The following COMMD10 variants were observed in gnomAD, a reference collection of about 807,000 sequenced individuals.
The protein encoded by COMMD10 is COMM domain-containing protein 10.
Under a neutral mutation model 28.9 loss-of-function variants are expected in COMMD10, and 33 were observed. The ratio of observed to expected loss-of-function variants is 1.14; its 90% CI spans 0.87 to 1.53. The LOEUF is 1.53. Ranked by LOEUF, COMMD10 falls within the 40% of genes most tolerant of loss-of-function variation. COMMD10 has a pLI of 0.00. For missense variants in COMMD10, 310 were observed against 233.4 expected, an observed-to-expected ratio of 1.33 and a Z score of -2.14; for synonymous variants, 110 against 81.7, an observed-to-expected ratio of 1.35 and a Z score of -1.87.
chr5:116,116,947 G>A (rs568449651), intron 4 of COMMD10, among the ~76,000 whole-genome samples: 1 of 152,242 alleles, frequency 6.6e-6, no homozygotes, highest in East Asian at 1.9e-4. Context: ...ATTTTCATCA[G>A]CAGGAAATTA....
At chr5:116,109,173 C>G (rs947019647) in intron 4 of COMMD10, among the ~76,000 whole-genome samples, 1 of 152,142 alleles carries the variant, frequency 6.6e-6, no homozygotes, top group African/African-American at 2.4e-5. Context: ...CATAATAGTT[C>G]TTTTGACCCA....
rs186822389 is a variant in COMMD10, at chr5:116,149,072, A to G, written c.510+14894A>G. ...TGTGTCCATGTGTTCTCATTGTTCA[A>G]TTCCCACCTATGACATAGTGAGAAT... On this transcript the variant is annotated intron_variant, in intron 5 of 6. Transcript: ENST00000274458. Among the ~76,000 whole-genome samples, 145 of 140,326 alleles carry G rather than the reference A, an allele frequency of 1.0e-3. 1 individual carries two copies. In the South Asian group the frequency reaches 0.031, roughly 30 times the overall value. 92.1% of individuals were successfully genotyped at this position (140,326 alleles called of 152,430 possible). A position where few individuals can be genotyped will look rare whatever the true frequency, so the allele number is the denominator to read the frequency against.
chr5:116,275,680 A>G (rs1677405), intron 5 of COMMD10, among the ~76,000 whole-genome samples: 76,715 of 151,346 alleles, frequency 0.51, 21,765 homozygotes, highest in East Asian at 0.79. Flanking sequence ...TCAAAGCACC[A>G]GAACATATCT....
chr5:116,239,289 C>T lies in COMMD10; in HGVS notation c.511-52228C>T, dbSNP rs79054839. Among the ~76,000 whole-genome samples the T allele has an allele frequency of 1.3e-3, 193 of 152,282 alleles. 3 individuals carry two copies. The East Asian group carries it at 0.035, about 27-fold the overall frequency. On this transcript the variant is annotated intron_variant, in intron 5 of 6. Coordinates refer to ENST00000274458, the MANE Select transcript of COMMD10 (RefSeq NM_016144.4). Reference sequence around the variant, plus strand: ...ATACTTTTTAAATATGCTTCTATTTCTCCCATCAGAACTTTGATTTCTCTT... The same window carrying T: ...ATACTTTTTAAATATGCTTCTATTTTTCCCATCAGAACTTTGATTTCTCTT...
intron 5 of COMMD10, among the ~76,000 whole-genome samples, chr5:116,187,159 C>T (rs1331497292): frequency 1.3e-5 from 2 of 151,626 alleles, no homozygotes; most frequent in African/African-American, 4.8e-5. Context: ...CAAAAGAGAC[C>T]CCAGAAAGTG....
At position 116,090,620 on chromosome 5, in the gene COMMD10, A is replaced by T. The variant is rs151322716; in HGVS notation, c.133-459A>T. 1.6e-3 allele frequency among the ~76,000 whole-genome samples: 247 copies of T among 152,320 alleles called. 2 individuals carry two copies. The highest frequency in any genetic ancestry group is 5.6e-3 in the African/African-American group (231 of 41,574). ...TCTGGGTTCCTGACCATGGCAGACT[A>T]AAAATAGCAAACTGGGGGTTGAAGG... On this transcript the variant is annotated intron_variant, in intron 2 of 6. Transcript: ENST00000274458.
intron 5 of COMMD10, among the ~76,000 whole-genome samples, chr5:116,263,978 C>G (rs1231913806): frequency 6.6e-6 from 1 of 151,806 alleles, no homozygotes; most frequent in African/African-American, 2.4e-5. Flanking sequence ...GAGTTTGACT[C>G]TTTTCGTCGA....
chr5:116,192,399 A>G (rs1395830153), intron 5 of COMMD10, among the ~76,000 whole-genome samples: 1 of 152,094 alleles, frequency 6.6e-6, no homozygotes, highest in African/African-American at 2.4e-5. Context: ...GTGAAGCCCA[A>G]TGCAAGGAAA....
At chr5:116,167,678 C>G (rs896667699) in intron 5 of COMMD10, among the ~76,000 whole-genome samples, 1 of 152,112 alleles carries the variant, frequency 6.6e-6, no homozygotes, top group African/African-American at 2.4e-5. Flanking sequence ...GGCCAATATT[C>G]AACACTCTTA....
At chr5:116,262,357 ATTAAAT>A (rs1750471141) in intron 5 of COMMD10, among the ~76,000 whole-genome samples, 1 of 151,754 alleles carries the variant, frequency 6.6e-6, no homozygotes. Context: ...GCCTTTTGAA[ATTAAAT>A]TTAAAGAGAG....
chr5:116,146,966 A>G (rs1005743044), intron 5 of COMMD10, among the ~76,000 whole-genome samples: 1 of 151,862 alleles, frequency 6.6e-6, no homozygotes, highest in African/African-American at 2.4e-5. Context: ...CCATGTCCAT[A>G]TTTTAAAAAA....
At chr5:116,175,625 A>C (rs533391032) in intron 5 of COMMD10, among the ~76,000 whole-genome samples, 7 of 142 alleles carry the variant, frequency 0.049, no homozygotes, top group South Asian at 0.25. Flanking sequence ...CAACCCAAGT[A>C]TTTATTTGGC....
chr5:116,159,932 AC>A (rs926425625), intron 5 of COMMD10, among the ~76,000 whole-genome samples: 8 of 152,336 alleles, frequency 5.3e-5, no homozygotes, highest in Non-Finnish European at 5.9e-5. Flanking sequence ...CATGTCATTT[AC>A]AATATGAATA....
chr5:116,277,138 G>T (rs542875841), intron 5 of COMMD10, among the ~76,000 whole-genome samples: 1 of 151,730 alleles, frequency 6.6e-6, no homozygotes, highest in South Asian at 2.1e-4. Context: ...CTTTATTTAG[G>T]TATCATTGTA....
intron 5 of COMMD10, chr5:116,218,352 G>T (rs1163766324): frequency 1.6e-5 from 10 of 628,178 alleles, no homozygotes; most frequent in East Asian, 1.3e-4. Flanking sequence ...GCAGAGGCAT[G>T]TGGGCTTTGG....
intron 5 of COMMD10, among the ~76,000 whole-genome samples, chr5:116,246,719 A>C (rs1202548964): frequency 6.6e-6 from 1 of 152,202 alleles, no homozygotes; most frequent in African/African-American, 2.4e-5. Context: ...AACAAACCTG[A>C]CAAAAGCAAG....
intron 5 of COMMD10, among the ~76,000 whole-genome samples, chr5:116,173,157 C>G (rs914768418): frequency 3.3e-5 from 5 of 151,958 alleles, no homozygotes; most frequent in African/African-American, 9.7e-5. Context: ...TAACAGCTGC[C>G]TGTTGTTTCA....
At chr5:116,245,794 G>T (rs372948472) in intron 5 of COMMD10, among the ~76,000 whole-genome samples, 1 of 149,972 alleles carries the variant, frequency 6.7e-6, no homozygotes, top group African/African-American at 2.5e-5. Context: ...TCATACCTTC[G>T]TGTTTAAAAC....
In COMMD10 at chr5:116,262,557, G is replaced by A. The variant is rs201519595; in HGVS notation, c.511-28960G>A. Among the ~76,000 whole-genome samples, 33 of 151,798 alleles carry A rather than the reference G, an allele frequency of 2.2e-4. 1 individual carries two copies. In the South Asian group the frequency reaches 6.0e-3, roughly 28 times the overall value. Reference sequence around the variant, plus strand: ...GAGTTGAAGATTGAATTTAGGGCCAGTTTTTTCAAGTACATTAATTATGTT... The same window carrying A: ...GAGTTGAAGATTGAATTTAGGGCCAATTTTTTCAAGTACATTAATTATGTT... On this transcript the variant is annotated intron_variant, in intron 5 of 6. Coordinates refer to ENST00000274458, the MANE Select transcript of COMMD10 (RefSeq NM_016144.4).
Sources: allele counts gnomAD v4.1 joint callset (sites outside exome capture counted in the v4.1 genomes callset), GRCh38; gene constraint gnomAD v4.1.1; transcripts MANE v1.5; gene names NCBI Gene and HGNC (gene_info 2026-07-23, HGNC 2026-07-21).